ROCK1: variants seen among roughly 807,000 people sequenced by gnomAD.
ROCK1 encodes Rho associated coiled-coil containing protein kinase 1.
A neutral mutation model predicts 196.8 loss-of-function variants in ROCK1; 36 were observed. The ratio of observed to expected loss-of-function variants is 0.18; its 90% CI spans 0.14 to 0.24. The LOEUF (loss-of-function observed/expected upper bound fraction) is 0.24. Ranked by LOEUF, ROCK1 falls within the 10% of genes least tolerant of loss-of-function variation. ROCK1 has a pLI of 1.00. For synonymous variants in ROCK1, 443 were observed against 515.9 expected, an observed-to-expected ratio of 0.86 and a Z score of 1.91; for missense variants, 920 against 1,562.0, an observed-to-expected ratio of 0.59 and a Z score of 6.93.
chr18:21,031,738 C>A (rs1398908683), intron 9 of ROCK1, among the ~76,000 whole-genome samples: 1 of 151,304 alleles, frequency 6.6e-6, no homozygotes, highest in East Asian at 1.9e-4. Context: ...GGATGAAGTA[C>A]CAGGAAGATG....
Position 20,968,755 on chromosome 18 carries a change from A to T in ROCK1, c.3003+17T>A, listed in dbSNP as rs2035398315. 1 of 1,471,068 alleles carries T rather than the reference A, an allele frequency of 6.8e-7. No homozygotes were observed. Among genetic ancestry groups the T allele is most frequent in the East Asian group, 2.3e-5 (1 of 44,162 alleles). The allele number at this position is 1,471,068 out of a possible 1,614,324, so 91.1% of individuals were successfully genotyped here. On this transcript the variant is annotated intron_variant, in intron 25 of 32. Coordinates refer to ENST00000399799, the MANE Select transcript of ROCK1 (RefSeq NM_005406.3). ...ACTCAAAAATGAACATGTGGAAAAG[A>T]TCGAAAGCATGTATACCTGTGTTTT...
intron 1 of ROCK1, among the ~76,000 whole-genome samples, chr18:21,109,628 C>CT (rs1469810187): frequency 6.6e-6 from 1 of 152,132 alleles, no homozygotes; most frequent in East Asian, 1.9e-4. Flanking sequence ...CCACAATAGT[C>CT]TTATTTCCTG....
intron 1 of ROCK1, among the ~76,000 whole-genome samples, chr18:21,086,369 C>G (rs536539573): frequency 6.6e-6 from 1 of 152,216 alleles, no homozygotes; most frequent in Admixed American, 6.5e-5. Context: ...ACCTAGGCAT[C>G]CCAAAGTGCT....
At chr18:21,104,961 C>T (rs1568411686) in intron 1 of ROCK1, among the ~76,000 whole-genome samples, 1 of 152,172 alleles carries the variant, frequency 6.6e-6, no homozygotes, top group Non-Finnish European at 1.5e-5. Context: ...AATTTATGAG[C>T]GGCTTGAGGT....
In ROCK1 at chr18:20,947,865, T is replaced by C. The variant is rs1398959020; in HGVS notation, c.*3519A>G. 1 of 152,156 alleles carries C rather than the reference T, an allele frequency of 6.6e-6. No individual in the cohort carries two copies. The allele number at this position is 152,156 out of a possible 1,614,324, so 9.4% of individuals were successfully genotyped here. ...GCTCATGCCTGTAATCCCAGCACTT[T>C]GGGAGGCCAAGGTGGGTGTGGATCA... On this transcript the variant is annotated 3_prime_UTR_variant, in exon 33 of 33. Transcript: ENST00000399799.
At chr18:21,106,478 C>T (rs1273721768) in intron 1 of ROCK1, among the ~76,000 whole-genome samples, 1 of 152,164 alleles carries the variant, frequency 6.6e-6, no homozygotes, top group Non-Finnish European at 1.5e-5. Flanking sequence ...ATTTACAAAT[C>T]ATAAGCATTT....
chr18:20,973,531 C>G (rs1009426015), intron 22 of ROCK1, among the ~76,000 whole-genome samples: 7 of 152,046 alleles, frequency 4.6e-5, no homozygotes, highest in African/African-American at 1.7e-4. Flanking sequence ...CCCACCTGGG[C>G]CTCCCAAATT....
At chr18:20,981,070 G>A (rs2035527876) in intron 21 of ROCK1, among the ~76,000 whole-genome samples, 1 of 151,912 alleles carries the variant, frequency 6.6e-6, no homozygotes, top group African/African-American at 2.4e-5. Context: ...GGGGTGGGAT[G>A]TACTGGGTAG....
chr18:20,971,013 T>C (rs556267302), intron 22 of ROCK1, among the ~76,000 whole-genome samples: 30 of 152,274 alleles, frequency 2.0e-4, no homozygotes, highest in African/African-American at 6.0e-4. Flanking sequence ...AATGAGATTA[T>C]GAAAACTTAT....
At chr18:20,991,115 C>T in intron 18 of ROCK1, 61 bp downstream of exon 18, 2 of 1,474,952 alleles carry the variant, frequency 1.4e-6, no homozygotes, top group Non-Finnish European at 1.8e-6. Flanking sequence ...TGACCAAAAC[C>T]AAATTTTTTC....
chr18:21,078,585 G>A (rs1456696506), intron 1 of ROCK1, among the ~76,000 whole-genome samples: 4 of 152,130 alleles, frequency 2.6e-5, no homozygotes, highest in Non-Finnish European at 5.9e-5. Context: ...GACCATCTGT[G>A]AGACTAGTTC....
intron 27 of ROCK1, among the ~76,000 whole-genome samples, chr18:20,965,301 G>A (rs1403909416): frequency 1.3e-5 from 2 of 152,094 alleles, no homozygotes; most frequent in Admixed American, 6.6e-5. Flanking sequence ...TGGGGCAGGA[G>A]GATCGCTTGA....
chr18:20,956,938 G>A (rs1006865192), intron 29 of ROCK1, among the ~76,000 whole-genome samples: 13 of 152,078 alleles, frequency 8.5e-5, no homozygotes, highest in Non-Finnish European at 1.8e-4. Context: ...TTAGTTATGA[G>A]GAGAATGCAA....
chr18:21,068,591 A>T (rs1472238348), intron 2 of ROCK1, among the ~76,000 whole-genome samples: 1 of 152,206 alleles, frequency 6.6e-6, no homozygotes, highest in Non-Finnish European at 1.5e-5. Context: ...ATTGAATTGT[A>T]CAATCCATGA....
intron 1 of ROCK1, among the ~76,000 whole-genome samples, chr18:21,074,577 TAA>T (rs1288248327): frequency 6.6e-6 from 1 of 152,238 alleles, no homozygotes; most frequent in Admixed American, 6.5e-5. Context: ...ATTCTTACAT[TAA>T]GACTGCCTCA....
intron 14 of ROCK1, among the ~76,000 whole-genome samples, chr18:21,007,606 T>G (rs1428765122): frequency 2.0e-5 from 3 of 151,906 alleles, no homozygotes; most frequent in African/African-American, 7.3e-5. Flanking sequence ...TCAATGGGAG[T>G]AGAAAGGTAT....
At chr18:21,080,005 G>A (rs181816905) in intron 1 of ROCK1, among the ~76,000 whole-genome samples, 67 of 152,212 alleles carry the variant, frequency 4.4e-4, no homozygotes, top group African/African-American at 1.5e-3. Context: ...TGTTGAAGAC[G>A]ATCTGTTACC....
Position 21,018,396 on chromosome 18 carries a change from G to A in ROCK1, c.1361+1755C>T, listed in dbSNP as rs181424324. Among the ~76,000 whole-genome samples the A allele has an allele frequency of 2.8e-3, 420 of 152,080 alleles. 3 individuals are homozygous for A. Among genetic ancestry groups the A allele is most frequent in the African/African-American group, 9.8e-3 (405 of 41,476 alleles). On this transcript the variant is annotated intron_variant, in intron 12 of 32. Coordinates refer to ENST00000399799, the MANE Select transcript of ROCK1 (RefSeq NM_005406.3). Reference sequence around the variant, plus strand: ...AATACCAAAACTAGCCAGGCGTGGTGGCAGGAGCCTGTAATCCCAGCTACT... The same window carrying A: ...AATACCAAAACTAGCCAGGCGTGGTAGCAGGAGCCTGTAATCCCAGCTACT...
At chr18:20,968,925 C>T (rs2035400033) in intron 24 of ROCK1, 65 bp from the exon 25 acceptor site, 3 of 1,108,160 alleles carry the variant, frequency 2.7e-6, no homozygotes, top group Non-Finnish European at 4.1e-6. Context: ...TTCAAACTAA[C>T]AATGTCTTTA....
Sources: gnomAD v4.1 joint callset for allele counts (sites outside exome capture counted in the v4.1 genomes callset) on GRCh38, gnomAD v4.1.1 for gene constraint, MANE v1.5 for transcripts, NCBI Gene and HGNC (gene_info 2026-07-23, HGNC 2026-07-21) for gene names.